CCDC91: variants seen among roughly 807,000 people sequenced by gnomAD.
CCDC91 encodes the protein coiled-coil domain containing 91.
In CCDC91, 48 loss-of-function variants were observed where a neutral mutation model predicts 63.2. That is an observed-to-expected ratio of 0.76 (90% CI 0.60 to 0.97). The LOEUF is 0.97. CCDC91 is among the 50% of genes least tolerant of loss of function. The pLI is 0.00. For synonymous variants in CCDC91, 167 were observed against 165.8 expected, an observed-to-expected ratio of 1.01 and a Z score of -0.06; for missense variants, 500 against 494.6, an observed-to-expected ratio of 1.01 and a Z score of -0.10.
At chr12:28,304,576 T>A in intron 3 of CCDC91, 1 of 632,304 alleles carries the variant, frequency 1.6e-6, no homozygotes, top group Non-Finnish European at 2.4e-6. Flanking sequence ...CAAATTGATG[T>A]ATTTGTTATT....
intron 8 of CCDC91, among the ~76,000 whole-genome samples, chr12:28,423,949 T>C (rs1400277341): frequency 1.3e-5 from 2 of 152,094 alleles, no homozygotes; most frequent in Non-Finnish European, 2.9e-5. Flanking sequence ...GAATGCAGAG[T>C]TGTAGAACAG....
intron 3 of CCDC91, among the ~76,000 whole-genome samples, chr12:28,291,314 A>C (rs972738474): frequency 6.6e-6 from 1 of 152,198 alleles, no homozygotes; most frequent in Non-Finnish European, 1.5e-5. Flanking sequence ...ATAGCAGATG[A>C]GACAAAACTT....
intron 8 of CCDC91, among the ~76,000 whole-genome samples, chr12:28,426,660 G>A (rs1395595326): frequency 6.6e-6 from 1 of 151,942 alleles, no homozygotes; most frequent in African/African-American, 2.4e-5. Flanking sequence ...ATTTTCCTTT[G>A]ATTCTTTCTT....
intron 7 of CCDC91, among the ~76,000 whole-genome samples, chr12:28,375,641 C>A (rs1422469606): frequency 6.6e-6 from 1 of 151,812 alleles, no homozygotes; most frequent in Non-Finnish European, 1.5e-5. Context: ...TTTCAAAAAT[C>A]TTTTATTCTG....
rs542064952 is a variant in CCDC91 at position 28,262,456 on chromosome 12, T to A, written c.109+3014T>A. Among the ~76,000 whole-genome samples, 5 of 152,096 alleles carry A rather than the reference T, an allele frequency of 3.3e-5. No homozygotes were observed. The East Asian group carries it at 7.7e-4, about 23-fold the overall frequency. The stretch of plus-strand genomic sequence containing the variant: ...TGGTGAGCCTAGTGATTCTACTGCT[T>A]CAGGACAGGCCAGTAGGTGGAGGAG... On this transcript the variant is annotated intron_variant, in intron 3 of 12. Coordinates refer to ENST00000536442, the MANE Select transcript of CCDC91 (RefSeq NM_018318.5).
intron 1 of CCDC91, among the ~76,000 whole-genome samples, chr12:28,200,417 C>T (rs1433228540): frequency 1.4e-5 from 2 of 146,622 alleles, no homozygotes; most frequent in African/African-American, 5.0e-5. Flanking sequence ...TTTTCCTAGG[C>T]AGAGGACCCT....
Position 28,435,147 on chromosome 12 carries a change from CTCT to C in CCDC91, c.763-15012_763-15010del, listed in dbSNP as rs1203454287. ...CTGTTTTCAATTTCATTGATTTCTG[CTCT>C]TATTTGTATATTTATTTTGTTTTGC... On this transcript the variant is annotated intron_variant, in intron 8 of 12. Coordinates refer to ENST00000536442, the MANE Select transcript of CCDC91 (RefSeq NM_018318.5). 3.3e-5 allele frequency among the ~76,000 whole-genome samples: 5 copies of C among 151,400 alleles called. No homozygotes were observed. The Admixed American group carries it at 3.3e-4, about 10-fold the overall frequency.
rs367601388 is a variant in CCDC91 at position 28,218,753 on chromosome 12, G to A, written c.-15+28112G>A. On this transcript the variant is annotated intron_variant, in intron 1 of 12. Transcript: ENST00000536442. Reference sequence around the variant, plus strand: ...TGTATGTATGTATGTGTGTGTGTACGTATTTGGTTTCTTTGACTTGGTGTA... The same window carrying A: ...TGTATGTATGTATGTGTGTGTGTACATATTTGGTTTCTTTGACTTGGTGTA... Among the ~76,000 whole-genome samples, 57 of 151,594 alleles carry A rather than the reference G, an allele frequency of 3.8e-4. 1 individual carries two copies. In the East Asian group the frequency reaches 9.1e-3, roughly 24 times the overall value.
rs1275804548 is a variant in CCDC91 at position 28,305,811 on chromosome 12, A to C, written c.267+5A>C. ...CAAACTATTCCAAAAGCACAGGTAAAGACAAACATATTTTTAAAGGAGGTT... is the reference window on the plus strand; with the variant it reads ...CAAACTATTCCAAAAGCACAGGTAACGACAAACATATTTTTAAAGGAGGTT... On this transcript the variant is annotated splice_donor_5th_base_variant and intron_variant, in intron 4 of 12. Coordinates refer to ENST00000536442, the MANE Select transcript of CCDC91 (RefSeq NM_018318.5). 1 of 1,603,190 alleles carries C rather than the reference A, an allele frequency of 6.2e-7. No individual in the cohort carries two copies. Among genetic ancestry groups the C allele is most frequent in the Admixed American group, 1.7e-5 (1 of 57,904 alleles).
chr12:28,354,895 C>A (rs1943422445), intron 6 of CCDC91, among the ~76,000 whole-genome samples: 1 of 152,134 alleles, frequency 6.6e-6, no homozygotes. Context: ...AACATTGTTT[C>A]TTGCTGTAAC....
chr12:28,391,408 T>C lies in CCDC91; in HGVS notation c.759T>C (p.Ala253=). 1 of 1,589,868 alleles carries C rather than the reference T, an allele frequency of 6.3e-7. No individual in the cohort carries two copies. Among genetic ancestry groups the C allele is most frequent in the Non-Finnish European group, 8.6e-7 (1 of 1,158,208 alleles). The change falls in exon 8 of 13, where the codon GCT becomes GCC. Residue 253 remains alanine (A), a synonymous_variant. Coordinates refer to ENST00000536442, the MANE Select transcript of CCDC91 (RefSeq NM_018318.5). ...QAHKCEELLN[A]QHQRLLEMLD... ...ACAAGTGTGAGGAGTTGCTAAATGC[T>C]CAGGTAATAAAAGTGCACATCCATT...
intron 11 of CCDC91, among the ~76,000 whole-genome samples, chr12:28,455,393 T>C (rs1485925586): frequency 2.6e-5 from 4 of 152,102 alleles, no homozygotes; most frequent in African/African-American, 2.4e-5. Context: ...AATTTATAAA[T>C]AGACTTTACC....
chr12:28,234,539 A>G (rs1944808512), intron 1 of CCDC91, among the ~76,000 whole-genome samples: 1 of 152,176 alleles, frequency 6.6e-6, no homozygotes, highest in Non-Finnish European at 1.5e-5. Context: ...ACCCAGATAA[A>G]AATGTTTGGA....
At chr12:28,252,387 T>A (rs550056519) in intron 1 of CCDC91, among the ~76,000 whole-genome samples, 5 of 152,188 alleles carry the variant, frequency 3.3e-5, no homozygotes, top group Middle Eastern at 3.4e-3. Context: ...TTTCTTGAAC[T>A]CCTAGAGTCC....
chr12:28,356,235 C>T (rs951617522), intron 6 of CCDC91, among the ~76,000 whole-genome samples: 5 of 152,196 alleles, frequency 3.3e-5, no homozygotes, highest in East Asian at 1.9e-4. Flanking sequence ...AACCTACTTT[C>T]GTTGCAAGGA....
chr12:28,427,798 T>G (rs1267930226), intron 8 of CCDC91, among the ~76,000 whole-genome samples: 1 of 152,198 alleles, frequency 6.6e-6, no homozygotes, highest in Non-Finnish European at 1.5e-5. Flanking sequence ...GAGTAATGAC[T>G]TCCATGCTTT....
rs1365367364 is a variant in CCDC91 at position 28,366,433 on chromosome 12, C to G, written c.654+3918C>G. Among the ~76,000 whole-genome samples the G allele has an allele frequency of 2.6e-5, 4 of 152,158 alleles. No individual in the cohort carries two copies. In the East Asian group the frequency reaches 7.7e-4, roughly 29 times the overall value. ...AAGACAGAAAACTATTAGATAATAC[C>G]CATTCTACTTCCACCAAGTACCATA... On this transcript the variant is annotated intron_variant, in intron 7 of 12. Coordinates refer to ENST00000536442, the MANE Select transcript of CCDC91 (RefSeq NM_018318.5).
chr12:28,386,039 G>T (rs944111402), intron 7 of CCDC91, among the ~76,000 whole-genome samples: 1 of 152,126 alleles, frequency 6.6e-6, no homozygotes, highest in African/African-American at 2.4e-5. Flanking sequence ...TTTACTCACA[G>T]TTGAGCCCGT....
intron 12 of CCDC91, among the ~76,000 whole-genome samples, chr12:28,507,880 A>G (rs1264985966): frequency 6.6e-6 from 1 of 151,954 alleles, no homozygotes; most frequent in African/African-American, 2.4e-5. Flanking sequence ...TAGTTGCACA[A>G]GGGCTTCAGC....
Sources: gnomAD v4.1 joint callset for allele counts (sites outside exome capture counted in the v4.1 genomes callset) on GRCh38, gnomAD v4.1.1 for gene constraint, MANE v1.5 for transcripts, NCBI Gene and HGNC (gene_info 2026-07-23, HGNC 2026-07-21) for gene names.